SGCZ: variants seen among roughly 807,000 people sequenced by gnomAD.
SGCZ encodes sarcoglycan zeta.
SGCZ carries 40 observed loss-of-function variants against 41.3 expected under a neutral mutation model. That is an observed-to-expected ratio of 0.97 (90% CI 0.75 to 1.26). The LOEUF is 1.26. Among genes scored for constraint, SGCZ ranks in the 50% most tolerant of loss-of-function variants. The pLI is 0.00. For synonymous variants in SGCZ, 206 were observed against 137.5 expected (o/e 1.50, Z -3.49); for missense variants, 552 against 369.8 (o/e 1.49, Z -4.04).
intron 1 of SGCZ, among the ~76,000 whole-genome samples, chr8:15,202,635 C>A (rs1034116741): frequency 6.6e-6 from 1 of 151,450 alleles, no homozygotes; most frequent in African/African-American, 2.4e-5. Context: ...ACCTGTTCCC[C>A]AAAAACCTAT....
intron 1 of SGCZ, among the ~76,000 whole-genome samples, chr8:15,027,580 G>A (rs1426801909): frequency 1.3e-5 from 2 of 151,954 alleles, no homozygotes; most frequent in East Asian, 3.9e-4. Flanking sequence ...TATACCTAAA[G>A]ATGTGGAGAA....
intron 3 of SGCZ, among the ~76,000 whole-genome samples, chr8:14,323,437 G>A (rs1171241384): frequency 6.6e-6 from 1 of 151,932 alleles, no homozygotes; most frequent in African/African-American, 2.4e-5. Flanking sequence ...ATCTCAGGGG[G>A]AATGTAATAG....
At chr8:14,547,572 G>A (rs1179865539) in intron 2 of SGCZ, among the ~76,000 whole-genome samples, 1 of 152,094 alleles carries the variant, frequency 6.6e-6, no homozygotes, top group Admixed American at 6.6e-5. Context: ...AATAATGTTT[G>A]TTCTTGTACT....
At chr8:14,120,440 T>C (rs1304654615) in intron 5 of SGCZ, among the ~76,000 whole-genome samples, 2 of 152,108 alleles carry the variant, frequency 1.3e-5, no homozygotes, top group Non-Finnish European at 2.9e-5. Context: ...AAACATTTCA[T>C]TTAGGAACAG....
At chr8:14,386,655 G>T (rs988260793) in intron 2 of SGCZ, among the ~76,000 whole-genome samples, 1 of 152,058 alleles carries the variant, frequency 6.6e-6, no homozygotes, top group Non-Finnish European at 1.5e-5. Context: ...TTTACATTTT[G>T]TTCAAAAGCA....
intron 1 of SGCZ, among the ~76,000 whole-genome samples, chr8:15,027,046 T>A (rs1803484073): frequency 6.6e-6 from 1 of 152,208 alleles, no homozygotes; most frequent in African/African-American, 2.4e-5. Context: ...GTTTCGTACC[T>A]GAAATGAAGT....
At chr8:14,166,117 AG>A (rs1164503907) in intron 4 of SGCZ, among the ~76,000 whole-genome samples, 1 of 152,170 alleles carries the variant, frequency 6.6e-6, no homozygotes, top group Non-Finnish European at 1.5e-5. Flanking sequence ...AAATTTGAAA[AG>A]CTTCAACTAG....
At chr8:14,614,978 A>C (rs2117351069) in intron 1 of SGCZ, among the ~76,000 whole-genome samples, 1 of 142,180 alleles carries the variant, frequency 7.0e-6, no homozygotes, top group Non-Finnish European at 1.6e-5. Flanking sequence ...ACACATGTAC[A>C]CACATATGTG....
intron 1 of SGCZ, among the ~76,000 whole-genome samples, chr8:14,862,569 T>C (rs1585327592): frequency 7.4e-6 from 1 of 134,990 alleles, no homozygotes. Context: ...TATATATATA[T>C]ATATATATAT....
chr8:14,365,968 TTC>T (rs144693342), intron 2 of SGCZ, among the ~76,000 whole-genome samples: 2,218 of 152,240 alleles, frequency 0.015, 53 homozygotes, highest in African/African-American at 0.05. Flanking sequence ...AAGAACCTAT[TTC>T]TGTCTTTGTT....
intron 1 of SGCZ, among the ~76,000 whole-genome samples, chr8:14,814,603 G>C (rs1442987276): frequency 6.6e-6 from 1 of 152,126 alleles, no homozygotes; most frequent in African/African-American, 2.4e-5. Context: ...CCCTACTTAA[G>C]TATAGGATTA....
At chr8:15,195,128 A>G (rs1256346964) in intron 1 of SGCZ, among the ~76,000 whole-genome samples, 1 of 152,216 alleles carries the variant, frequency 6.6e-6, no homozygotes, top group Non-Finnish European at 1.5e-5. Context: ...GAACATTTAC[A>G]TTCTGAAAAC....
At chr8:14,227,360 G>T (rs1806409068) in intron 4 of SGCZ, among the ~76,000 whole-genome samples, 1 of 152,046 alleles carries the variant, frequency 6.6e-6, no homozygotes, top group African/African-American at 2.4e-5. Flanking sequence ...AGGAAGGAAA[G>T]ACATTAAACA....
chr8:14,683,843 T>C (rs1458326864), intron 1 of SGCZ, among the ~76,000 whole-genome samples: 2 of 152,178 alleles, frequency 1.3e-5, no homozygotes, highest in African/African-American at 2.4e-5. Flanking sequence ...AATTAGCTTA[T>C]CTGGAACTAG....
chr8:14,699,883 G>A (rs1246991843), intron 1 of SGCZ, among the ~76,000 whole-genome samples: 2 of 151,884 alleles, frequency 1.3e-5, no homozygotes, highest in East Asian at 1.9e-4. Flanking sequence ...TTAGAGAAAT[G>A]CAAATCAAAA....
intron 1 of SGCZ, among the ~76,000 whole-genome samples, chr8:14,982,110 A>ACTGTACTCCTGCACTCCAGC (rs1801683178): frequency 1.3e-5 from 2 of 151,348 alleles, no homozygotes; most frequent in African/African-American, 4.9e-5. Context: ...GGATCACGCC[A>ACTGTACTCCTGCACTCCAGC]CTGTACTCCT....
Position 14,403,502 on chromosome 8 carries a change from T to C in SGCZ, c.235-79298A>G, listed in dbSNP as rs969371897. Among the ~76,000 whole-genome samples, 61 of 152,056 alleles carry C rather than the reference T, an allele frequency of 4.0e-4. 1 individual carries two copies. The East Asian group carries it at 7.9e-3, about 20-fold the overall frequency. ...TTATTGAGAGTTTTTAGCATGAAGG[T>C]TGTTGAATTTTGTCAAAGGCCTTTT... On this transcript the variant is annotated intron_variant, in intron 2 of 7. Transcript: ENST00000382080.
intron 1 of SGCZ, among the ~76,000 whole-genome samples, chr8:14,578,186 A>G (rs1219807313): frequency 6.6e-6 from 1 of 152,228 alleles, no homozygotes; most frequent in Non-Finnish European, 1.5e-5. Flanking sequence ...GAGAAATGGC[A>G]AAGCACTGAT....
Position 14,604,867 on chromosome 8 carries a change from C to T in SGCZ, c.40-49941G>A, listed in dbSNP as rs554596572. On this transcript the variant is annotated intron_variant, in intron 1 of 7. Transcript: ENST00000382080. ...CCTTATATTGGAATAAGAAGACTTA[C>T]TTTTGATCTCCAAATAGACCTTTCA... 3.9e-4 allele frequency among the ~76,000 whole-genome samples: 59 copies of T among 152,232 alleles called. 1 individual carries two copies. The highest frequency in any genetic ancestry group is 5.2e-4 in the Admixed American group (8 of 15,290).
Sources: gnomAD v4.1 joint callset for allele counts (sites outside exome capture counted in the v4.1 genomes callset) on GRCh38, gnomAD v4.1.1 for gene constraint, MANE v1.5 for transcripts, NCBI Gene and HGNC (gene_info 2026-07-23, HGNC 2026-07-21) for gene names.